CTNND2: variants seen among roughly 807,000 people sequenced by gnomAD.
CTNND2 encodes the protein catenin delta-2.
Under a neutral mutation model 144.4 loss-of-function variants are expected in CTNND2, and 22 were observed. The observed-to-expected ratio is 0.15, with a 90% CI of 0.11 to 0.22. The LOEUF (loss-of-function observed/expected upper bound fraction) is 0.22, where lower values mean the gene tolerates loss of function less well. CTNND2 is among the 10% of genes least tolerant of loss of function. The pLI is 1.00. For synonymous variants in CTNND2, 751 were observed against 695.6 expected (o/e 1.08, Z -1.25); for missense variants, 1,353 against 1,618.8 (o/e 0.84, Z 2.82).
chr5:11,182,556 AATTGCAGGTG>A (rs1610891), intron 11 of CTNND2, among the ~76,000 whole-genome samples: 4,827 of 152,098 alleles, frequency 0.032, 242 homozygotes, highest in African/African-American at 0.11. Flanking sequence ...CAAAACTCTT[AATTGCAGGTG>A]ATTGCCCTCA....
intron 3 of CTNND2, among the ~76,000 whole-genome samples, chr5:11,487,304 G>A (rs536285168): frequency 1.2e-4 from 18 of 152,196 alleles, no homozygotes; most frequent in African/African-American, 3.4e-4. Context: ...TACACACAGC[G>A]ACACAAAGTG....
At chr5:11,442,590 C>T (rs1038487577) in intron 3 of CTNND2, among the ~76,000 whole-genome samples, 1 of 151,788 alleles carries the variant, frequency 6.6e-6, no homozygotes, top group Non-Finnish European at 1.5e-5. Context: ...ATAGGATTAG[C>T]TTTACTGAAG....
rs1002047743 is a variant in CTNND2 at position 11,384,437 on chromosome 5, T to G, written c.1177+228A>C. Reference sequence around the variant, plus strand: ...GAAGAGAGGAGAGAAGAGAGTGATATAGGTGTTAGAGATTGAGACACCACA... The same window carrying G: ...GAAGAGAGGAGAGAAGAGAGTGATAGAGGTGTTAGAGATTGAGACACCACA... On this transcript the variant is annotated intron_variant, in intron 7 of 21. Transcript: ENST00000304623. This position sits in a 1 kb window ranked among gnomAD's most constrained non-coding sequence, Gnocchi z 5.2. 6 of 568,534 alleles carry G rather than the reference T, an allele frequency of 1.1e-5. No homozygotes were observed. Among genetic ancestry groups the G allele is most frequent in the Non-Finnish European group, 1.9e-5 (6 of 321,788 alleles). 35.2% of individuals were successfully genotyped at this position (568,534 alleles called of 1,614,324 possible).
intron 18 of CTNND2, among the ~76,000 whole-genome samples, chr5:11,001,260 G>A (rs906879354): frequency 5.3e-5 from 8 of 152,158 alleles, no homozygotes; most frequent in African/African-American, 1.9e-4. Context: ...CAGGAGGCAG[G>A]TAATGCATGT....
chr5:11,529,517 C>A lies in CTNND2; in HGVS notation c.287+35427G>T, dbSNP rs187361717. ...TGCCTTGGCACTCAAGAAAAACTCA[C>A]GGGAAAAAAAATGATTCAATAAAAA... is the stretch of plus-strand genomic sequence containing the variant. On this transcript the variant is annotated intron_variant, in intron 3 of 21. Coordinates refer to ENST00000304623, the MANE Select transcript of CTNND2 (RefSeq NM_001332.4). Among the ~76,000 whole-genome samples the A allele has an allele frequency of 7.2e-5, 11 of 152,012 alleles. No homozygotes were observed. In the South Asian group the frequency reaches 2.3e-3, roughly 32 times the overall value.
At chr5:11,054,595 C>T (rs1315585209) in intron 16 of CTNND2, among the ~76,000 whole-genome samples, 1 of 151,998 alleles carries the variant, frequency 6.6e-6, no homozygotes, top group African/African-American at 2.4e-5. Context: ...CGCTTGCCTC[C>T]CATCGTTCAT....
At chr5:11,389,959 C>CT (rs1759489412) in intron 6 of CTNND2, among the ~76,000 whole-genome samples, 1 of 152,182 alleles carries the variant, frequency 6.6e-6, no homozygotes, top group African/African-American at 2.4e-5. Flanking sequence ...TGTCTTTAGA[C>CT]TGGGGGGGAG....
At chr5:11,155,650 C>G (rs909958829) in intron 12 of CTNND2, among the ~76,000 whole-genome samples, 1 of 152,098 alleles carries the variant, frequency 6.6e-6, no homozygotes, top group African/African-American at 2.4e-5. Context: ...CTCCCCATGC[C>G]GCTTGGCCTC....
chr5:11,827,974 C>A (rs1404324539), intron 1 of CTNND2, among the ~76,000 whole-genome samples: 1 of 152,160 alleles, frequency 6.6e-6, no homozygotes, highest in Non-Finnish European at 1.5e-5. Context: ...CAGAACAGTA[C>A]AGTCCAAAAC....
chr5:11,481,911 C>A (rs759071396), intron 3 of CTNND2, among the ~76,000 whole-genome samples: 1 of 152,122 alleles, frequency 6.6e-6, no homozygotes, highest in Non-Finnish European at 1.5e-5. Context: ...CCAGAAGGCC[C>A]CATTTGAGAA....
At chr5:11,678,309 CAGG>C (rs1396446934) in intron 2 of CTNND2, among the ~76,000 whole-genome samples, 1 of 152,100 alleles carries the variant, frequency 6.6e-6, no homozygotes, top group African/African-American at 2.4e-5. Context: ...CGATATCTAT[CAGG>C]AGGAGACTAG....
chr5:11,050,384 G>A (rs958478936), intron 16 of CTNND2, among the ~76,000 whole-genome samples: 1 of 152,114 alleles, frequency 6.6e-6, no homozygotes, highest in Non-Finnish European at 1.5e-5. Context: ...TTTACAATTT[G>A]TATCTACTGC....
At chr5:11,678,073 C>T (rs1227835600) in intron 2 of CTNND2, among the ~76,000 whole-genome samples, 1 of 152,114 alleles carries the variant, frequency 6.6e-6, no homozygotes, top group Admixed American at 6.5e-5. Flanking sequence ...TGGATGGGTA[C>T]AGGTGTCAGA....
intron 9 of CTNND2, among the ~76,000 whole-genome samples, chr5:11,289,776 C>G (rs769163086): frequency 4.6e-5 from 7 of 152,194 alleles, no homozygotes; most frequent in Non-Finnish European, 2.9e-5. Flanking sequence ...TTTAATGTCA[C>G]CTCTCATCTC....
chr5:11,427,275 CT>C (rs765824451), intron 3 of CTNND2, among the ~76,000 whole-genome samples: 4,942 of 120,814 alleles, frequency 0.041, 106 homozygotes, highest in African/African-American at 0.14. Context: ...TTCCCATATG[CT>C]TTTTTTTTTT....
Position 11,250,491 on chromosome 5 carries a change from C to CTCTCTATATATA in CTNND2, c.1629-13669_1629-13668insTATATATAGAGA, listed in dbSNP as rs869141186. 8.3e-4 allele frequency among the ~76,000 whole-genome samples: 53 copies of CTCTCTATATATA among 64,094 alleles called. 1 individual carries two copies. Among genetic ancestry groups the CTCTCTATATATA allele is most frequent in the African/African-American group, 3.3e-3 (39 of 11,694 alleles). 42.0% of individuals were successfully genotyped at this position (64,094 alleles called of 152,430 possible). Reference sequence around the variant, plus strand: ...TCTCTCTCTCTCTCTCTCTCTCTCTCTATATATATATATATATATATACAT... The same window carrying CTCTCTATATATA: ...TCTCTCTCTCTCTCTCTCTCTCTCTCTCTCTATATATATATATATATATATATATATATACAT... On this transcript the variant is annotated intron_variant, in intron 9 of 21. Coordinates refer to ENST00000304623, the MANE Select transcript of CTNND2 (RefSeq NM_001332.4).
intron 2 of CTNND2, among the ~76,000 whole-genome samples, chr5:11,631,840 G>A (rs1411722858): frequency 6.6e-6 from 1 of 152,100 alleles, no homozygotes; most frequent in African/African-American, 2.4e-5. Flanking sequence ...TTACCATCCA[G>A]CCCCATCGCC....
intron 1 of CTNND2, among the ~76,000 whole-genome samples, chr5:11,767,755 A>G (rs28465385): frequency 0.095 from 14,491 of 152,138 alleles, 1,874 homozygotes; most frequent in African/African-American, 0.29. Context: ...GAGGCAGTTG[A>G]GGTAAGCTCT....
intron 1 of CTNND2, among the ~76,000 whole-genome samples, chr5:11,866,112 G>T (rs1438567060): frequency 6.6e-6 from 1 of 152,030 alleles, no homozygotes; most frequent in Non-Finnish European, 1.5e-5. Flanking sequence ...AGACCAGCCT[G>T]GGCAACATAG....
Sources: allele counts gnomAD v4.1 joint callset (sites outside exome capture counted in the v4.1 genomes callset), GRCh38; gene constraint gnomAD v4.1.1; non-coding constraint Gnocchi (gnomAD v3.1); transcripts MANE v1.5; gene names NCBI Gene and HGNC (gene_info 2026-07-23, HGNC 2026-07-21).